Variants in SPATA22 observed in about 807,000 individuals in gnomAD.
SPATA22 encodes spermatogenesis-associated protein 22.
A neutral mutation model predicts 47.8 loss-of-function variants in SPATA22; 29 were observed. The observed-to-expected ratio is 0.61, with a 90% confidence interval of 0.45 to 0.83. SPATA22 has a LOEUF of 0.83. Ranked by LOEUF, SPATA22 falls within the 40% of genes least tolerant of loss-of-function variation. SPATA22 has a pLI of 0.00. For missense variants in SPATA22, 410 were observed against 421.7 expected (o/e 0.97, Z 0.24); for synonymous variants, 133 against 140.9 (o/e 0.94, Z 0.40).
intron 5 of SPATA22, among the ~76,000 whole-genome samples, chr17:3,450,573 T>C (rs2072835565): frequency 6.6e-6 from 1 of 152,204 alleles, no homozygotes. Flanking sequence ...CAAGTGATTC[T>C]CCTGCCTCAA....
chr17:3,470,685 A>G (rs985038786), intron 1 of SPATA22, among the ~76,000 whole-genome samples: 2 of 150,360 alleles, frequency 1.3e-5, no homozygotes, highest in Admixed American at 6.6e-5. Flanking sequence ...CGGGAGGCGG[A>G]GGTTGCAGTG....
chr17:3,510,401 C>T (rs2074096642), intron 1 of SPATA22: 1 of 152,188 alleles, frequency 6.6e-6, no homozygotes, highest in Non-Finnish European at 1.5e-5. Flanking sequence ...GCTTCAGGTC[C>T]AAAAACGGGC....
chr17:3,448,679 T>G, intron 6 of SPATA22, 128 bp downstream of exon 6: 1 of 680,850 alleles, frequency 1.5e-6, no homozygotes, highest in Non-Finnish European at 2.3e-6. Flanking sequence ...GAACTGAATA[T>G]TTATGCTAAT....
At chr17:3,500,658 A>T (rs1406286533) in intron 1 of SPATA22, 1 of 152,064 alleles carries the variant, frequency 6.6e-6, no homozygotes, top group African/African-American at 2.4e-5. Flanking sequence ...GCCTGCCACC[A>T]CGCCCGGCTA....
intron 1 of SPATA22, among the ~76,000 whole-genome samples, chr17:3,489,743 T>C (rs1354405518): frequency 6.6e-6 from 1 of 152,194 alleles, no homozygotes; most frequent in Non-Finnish European, 1.5e-5. Flanking sequence ...GAAACTCTCA[T>C]TACCTGCTGG....
chr17:3,487,400 C>G (rs1387736124), intron 1 of SPATA22, among the ~76,000 whole-genome samples: 2 of 151,970 alleles, frequency 1.3e-5, no homozygotes, highest in African/African-American at 2.4e-5. Flanking sequence ...GCTTAATACT[C>G]CCTCATATTG....
chr17:3,476,615 C>T (rs1379943855), upstream of SPATA22, among the ~76,000 whole-genome samples: 1 of 152,060 alleles, frequency 6.6e-6, no homozygotes, highest in Non-Finnish European at 1.5e-5. Context: ...TTCTTAAGCA[C>T]CAGATTATTA....
intron 3 of SPATA22, among the ~76,000 whole-genome samples, chr17:3,466,952 A>T (rs971142272): frequency 3.3e-5 from 5 of 152,218 alleles, no homozygotes; most frequent in African/African-American, 4.8e-5. Context: ...AATGAAGGCA[A>T]AAATGCCATA....
intron 1 of SPATA22, among the ~76,000 whole-genome samples, chr17:3,477,090 G>T (rs2073537180): frequency 6.6e-6 from 1 of 152,172 alleles, no homozygotes; most frequent in South Asian, 2.1e-4. Context: ...GGGAGGCGGA[G>T]CTTGCAGTGA....
At chr17:3,458,413 G>A (rs545954827) in intron 5 of SPATA22, among the ~76,000 whole-genome samples, 2 of 151,816 alleles carry the variant, frequency 1.3e-5, no homozygotes, top group South Asian at 4.2e-4. Context: ...AAAACAGTAT[G>A]GAAGTTCCTC....
intron 1 of SPATA22, among the ~76,000 whole-genome samples, chr17:3,498,106 G>A (rs191893869): frequency 1.2e-4 from 18 of 152,140 alleles, no homozygotes; most frequent in Admixed American, 3.9e-4. Context: ...ACCAATCCCC[G>A]TCAGAATAGA....
rs1365849834 is a variant in SPATA22 at position 3,464,321 on chromosome 17, G to A, written c.173-1554C>T. Among the ~76,000 whole-genome samples the A allele has an allele frequency of 3.3e-5, 5 of 151,282 alleles. No homozygotes were observed. In the South Asian group the frequency reaches 6.3e-4, roughly 19 times the overall value. ...GGCTGGAGTGCAGTGGCGTGATCTC[G>A]GCTCGCTACAACCTCCACCTCCCAG... On this transcript the variant is annotated intron_variant, in intron 3 of 8. Transcript: ENST00000572969.
chr17:3,446,717 C>T, intron 6 of SPATA22, 116 bp from the exon 7 acceptor site: 1 of 849,604 alleles, frequency 1.2e-6, no homozygotes, highest in Non-Finnish European at 1.7e-6. Flanking sequence ...GTAAAAAGAA[C>T]TACTGAAAAT....
intron 1 of SPATA22, among the ~76,000 whole-genome samples, chr17:3,505,200 G>C (rs2074029708): frequency 6.6e-6 from 1 of 152,180 alleles, no homozygotes; most frequent in Non-Finnish European, 1.5e-5. Context: ...TGTTATACAA[G>C]CTCATTGCCA....
intron 1 of SPATA22, among the ~76,000 whole-genome samples, chr17:3,506,732 G>A (rs1256754810): frequency 6.6e-6 from 1 of 152,146 alleles, no homozygotes; most frequent in Non-Finnish European, 1.5e-5. Context: ...CTGAGGTCAG[G>A]AGTTTGAGAC....
At chr17:3,476,394 G>A (rs1451412419), upstream of SPATA22, 4 of 1,613,488 alleles carry the variant, frequency 2.5e-6, no homozygotes, top group Non-Finnish European at 3.4e-6. Context: ...TGAAAATCTT[G>A]GGTAAGACTA....
At chr17:3,501,483 A>G (rs1457454725) in intron 1 of SPATA22, 1 of 152,882 alleles carries the variant, frequency 6.5e-6, no homozygotes, top group Non-Finnish European at 1.5e-5. Flanking sequence ...TCATGATCAC[A>G]CTTGAATGGA....
chr17:3,462,790 G>A (rs777170336), intron 3 of SPATA22, 23 bp from the exon 4 acceptor site: 3 of 1,556,780 alleles, frequency 1.9e-6, no homozygotes, highest in South Asian at 2.2e-5. Flanking sequence ...AAGTAACATA[G>A]ATAAAAGTAA....
rs576922633 is a variant in SPATA22, at chr17:3,506,504, A to G, written c.-74+6908T>C. ...AAAATACTAAAGCCCCATTAGCTAC[A>G]GATAGACTAAATGTTTAACAGAAAA... On this transcript the variant is annotated intron_variant, in intron 1 of 8. Transcript: ENST00000541913. Among the ~76,000 whole-genome samples, 10 of 152,376 alleles carry G rather than the reference A, an allele frequency of 6.6e-5. No homozygotes were observed. In the East Asian group the frequency reaches 1.7e-3, roughly 26 times the overall value.
Sources: allele counts gnomAD v4.1 joint callset (sites outside exome capture counted in the v4.1 genomes callset), GRCh38; gene constraint gnomAD v4.1.1; transcripts MANE v1.5; gene names NCBI Gene and HGNC (gene_info 2026-07-23, HGNC 2026-07-21).